Variants in DNER observed in about 807,000 individuals in gnomAD.
The protein encoded by DNER is delta and Notch-like epidermal growth factor-related receptor.
In DNER, 33 loss-of-function variants were observed where a neutral mutation model predicts 78.2. That is an observed-to-expected ratio of 0.42 (90% CI 0.32 to 0.56). DNER has a LOEUF of 0.56. DNER is among the 20% of genes least tolerant of loss of function. DNER has a pLI of 0.11. For synonymous variants in DNER, 417 were observed against 384.8 expected (o/e 1.08, Z -0.98); for missense variants, 918 against 975.3 (o/e 0.94, Z 0.78).
At chr2:229,685,491 G>A (rs1171887350) in intron 1 of DNER, among the ~76,000 whole-genome samples, 1 of 152,156 alleles carries the variant, frequency 6.6e-6, no homozygotes, top group Non-Finnish European at 1.5e-5. Flanking sequence ...TTTAAATTAC[G>A]AAAGGTAAAA....
chr2:229,475,307 G>A (rs960805551), intron 7 of DNER, among the ~76,000 whole-genome samples: 4 of 152,120 alleles, frequency 2.6e-5, no homozygotes, highest in Admixed American at 6.5e-5. Flanking sequence ...AAGGCCTTGC[G>A]GGGCTCACCC....
At chr2:229,500,536 T>C (rs1483744916) in intron 6 of DNER, among the ~76,000 whole-genome samples, 3 of 152,182 alleles carry the variant, frequency 2.0e-5, no homozygotes, top group African/African-American at 7.2e-5. Context: ...ACTGGATATA[T>C]ATCCAAAGGA....
chr2:229,366,857 C>T lies in DNER; in HGVS notation c.2102+16G>A, dbSNP rs772826749. 9.8e-5 allele frequency: 158 copies of T among 1,613,510 alleles called. 1 individual carries two copies. In the South Asian group the frequency reaches 1.3e-3, roughly 13 times the overall value. On this transcript the variant is annotated intron_variant, in intron 12 of 12. Transcript: ENST00000341772. ...CATGTGAAGGCAGCATTCCCCACGC[C>T]GCCCCCACAGCCAACCTGGCATGCC...
intron 1 of DNER, among the ~76,000 whole-genome samples, chr2:229,691,669 T>C (rs1446164232): frequency 6.6e-6 from 1 of 151,852 alleles, no homozygotes; most frequent in African/African-American, 2.4e-5. Flanking sequence ...ACAAAATCTA[T>C]AGGCTATTTG....
chr2:229,401,675 C>T lies in DNER; in HGVS notation c.1723+5557G>A, dbSNP rs376589784. 2.2e-4 allele frequency among the ~76,000 whole-genome samples: 34 copies of T among 152,054 alleles called. 1 individual carries two copies. The highest frequency in any genetic ancestry group is 6.8e-4 in the African/African-American group (28 of 41,462). The stretch of plus-strand genomic sequence containing the variant: ...TTCCAGGAATTAAAGACAGTTGTGG[C>T]GCAAGGGAAAAGGGTAACCAGTATC... On this transcript the variant is annotated intron_variant, in intron 10 of 12. Coordinates refer to ENST00000341772, the MANE Select transcript of DNER (RefSeq NM_139072.4).
chr2:229,558,058 T>C (rs899040110), intron 4 of DNER, among the ~76,000 whole-genome samples: 1 of 152,120 alleles, frequency 6.6e-6, no homozygotes, highest in Non-Finnish European at 1.5e-5. Flanking sequence ...TAAAAAAGAA[T>C]GAGATCATGT....
chr2:229,400,251 T>C (rs1574826442), intron 10 of DNER, among the ~76,000 whole-genome samples: 1 of 152,152 alleles, frequency 6.6e-6, no homozygotes, highest in South Asian at 2.1e-4. Flanking sequence ...TAGCTTAATA[T>C]AGACAAAGAT....
chr2:229,656,772 C>T (rs1263108644), intron 1 of DNER, among the ~76,000 whole-genome samples: 1 of 152,018 alleles, frequency 6.6e-6, no homozygotes, highest in Non-Finnish European at 1.5e-5. Flanking sequence ...TTTTGATGTC[C>T]TGGAGCTATG....
At chr2:229,466,345 G>C (rs12464613) in intron 7 of DNER, among the ~76,000 whole-genome samples, 115,237 of 152,030 alleles carry the variant, frequency 0.76, 44,314 homozygotes, top group African/African-American at 0.89. Flanking sequence ...CCCTAACCTC[G>C]CCCTGCTTTT....
At chr2:229,439,839 C>A (rs1694196357) in intron 8 of DNER, among the ~76,000 whole-genome samples, 1 of 150,558 alleles carries the variant, frequency 6.6e-6, no homozygotes, top group South Asian at 2.1e-4. Context: ...CCATTTGCAA[C>A]TTTCATTCCA....
At chr2:229,526,181 A>G (rs2154212699) in intron 5 of DNER, among the ~76,000 whole-genome samples, 1 of 152,342 alleles carries the variant, frequency 6.6e-6, no homozygotes, top group South Asian at 2.1e-4. Flanking sequence ...TTGAATTTTT[A>G]TTAATCTATA....
intron 11 of DNER, among the ~76,000 whole-genome samples, chr2:229,386,870 T>A (rs1185997540): frequency 6.6e-6 from 1 of 152,100 alleles, no homozygotes; most frequent in Non-Finnish European, 1.5e-5. Context: ...GCTTTTATAC[T>A]CTTGGTGGGA....
At chr2:229,375,193 T>C (rs1424351865) in intron 11 of DNER, among the ~76,000 whole-genome samples, 2 of 152,246 alleles carry the variant, frequency 1.3e-5, no homozygotes, top group Non-Finnish European at 2.9e-5. Flanking sequence ...TTTCAGCAGA[T>C]GCCCAGAGAC....
intron 6 of DNER, 89 bp from the exon 7 acceptor site, chr2:229,477,342 C>T: frequency 1.1e-6 from 1 of 880,052 alleles, no homozygotes; most frequent in Non-Finnish European, 1.7e-6. Flanking sequence ...CAACTGGTAC[C>T]TGCCCAGTGA....
chr2:229,539,639 TTTTA>T (rs1482560134), intron 5 of DNER, among the ~76,000 whole-genome samples: 1 of 152,248 alleles, frequency 6.6e-6, no homozygotes, highest in Admixed American at 6.5e-5. Flanking sequence ...ATTTCCGTTC[TTTTA>T]TTTGTTTTTC....
intron 11 of DNER, among the ~76,000 whole-genome samples, chr2:229,381,661 G>A (rs762126175): frequency 1.3e-5 from 2 of 152,180 alleles, no homozygotes; most frequent in African/African-American, 4.8e-5. Flanking sequence ...AAAGCCGCCA[G>A]GAAGTTTGGA....
At chr2:229,615,790 C>T (rs548327449) in intron 1 of DNER, among the ~76,000 whole-genome samples, 40 of 105,164 alleles carry the variant, frequency 3.8e-4, no homozygotes, top group South Asian at 1.3e-3. Context: ...AGGAGACTAG[C>T]GGCAAAAAAA....
Position 229,582,598 on chromosome 2 carries a change from A to T in DNER, c.847+3260T>A, listed in dbSNP as rs946551480. ...TCATTGCTTTCTCCTCATAATCAAAAGTATAATTTGGGGAAAAGAATTCCT... is the reference window on the plus strand; with the variant it reads ...TCATTGCTTTCTCCTCATAATCAAATGTATAATTTGGGGAAAAGAATTCCT... On this transcript the variant is annotated intron_variant, in intron 4 of 12. Transcript: ENST00000341772. Among the ~76,000 whole-genome samples, 3 of 152,190 alleles carry T rather than the reference A, an allele frequency of 2.0e-5. No homozygotes were observed. The East Asian group carries it at 5.8e-4, about 29-fold the overall frequency.
intron 1 of DNER, among the ~76,000 whole-genome samples, chr2:229,711,052 G>A (rs1339160149): frequency 6.6e-6 from 1 of 150,918 alleles, no homozygotes; most frequent in African/African-American, 2.4e-5. Flanking sequence ...CTGACATAAT[G>A]GGGCTCTCTG....
Sources: gnomAD v4.1 joint callset for allele counts (sites outside exome capture counted in the v4.1 genomes callset) on GRCh38, gnomAD v4.1.1 for gene constraint, MANE v1.5 for transcripts, NCBI Gene and HGNC (gene_info 2026-07-23, HGNC 2026-07-21) for gene names.